INTS4: variants seen among roughly 807,000 people sequenced by gnomAD.
INTS4 encodes integrator complex subunit 4, also known as MSTP093.
A neutral mutation model predicts 119.5 loss-of-function variants in INTS4; 70 were observed. The observed-to-expected ratio is 0.59, with a 90% CI of 0.48 to 0.71. INTS4 has a LOEUF of 0.71. Ranked by LOEUF, INTS4 falls within the 30% of genes least tolerant of loss-of-function variation. INTS4 has a pLI of 0.00. For missense variants in INTS4, 867 were observed against 1,173.2 expected (o/e 0.74, Z 3.81); for synonymous variants, 316 against 419.6 (o/e 0.75, Z 3.02).
At chr11:77,908,392 G>A (rs1169822575) in intron 15 of INTS4, among the ~76,000 whole-genome samples, 1 of 150,500 alleles carries the variant, frequency 6.6e-6, no homozygotes, top group Non-Finnish European at 1.5e-5. Flanking sequence ...ACAGTGGCGT[G>A]ATCTCGACTC....
Position 77,891,397 on chromosome 11 carries a change from G to C in INTS4, c.2514C>G (p.Thr838=). 6.2e-7 allele frequency: 1 copy of C among 1,613,046 alleles called. No homozygotes were observed. The highest frequency in any genetic ancestry group is 8.5e-7 in the Non-Finnish European group (1 of 1,179,506). The part of the protein sequence containing the change: ...AGESDNPLRF[T]SGLVVALDVD... ...CATCCAGGGCAACCACCAACCCAGA[G>C]GTAAACCGCAAAGGGTTGTCTGACT... Residue 838 remains threonine (T), a synonymous_variant, in exon 21 of 23, where the codon ACC becomes ACG. Coordinates refer to ENST00000534064, the MANE Select transcript of INTS4 (RefSeq NM_033547.4).
chr11:77,958,991 T>C (rs892688202), intron 6 of INTS4, among the ~76,000 whole-genome samples, 157 bp from the exon 7 acceptor site: 3 of 152,218 alleles, frequency 2.0e-5, no homozygotes, highest in Non-Finnish European at 4.4e-5. Flanking sequence ...AAATGAATCT[T>C]GACCTCTGTC....
chr11:77,874,605 T>C (rs974235804), downstream of INTS4, among the ~76,000 whole-genome samples: 14 of 152,172 alleles, frequency 9.2e-5, no homozygotes, highest in African/African-American at 3.1e-4. Flanking sequence ...TGGAAATATG[T>C]AGAGCTTGAA....
At chr11:77,984,756 G>A (rs1385934935) in intron 2 of INTS4, among the ~76,000 whole-genome samples, 6 of 151,790 alleles carry the variant, frequency 4.0e-5, no homozygotes, top group Non-Finnish European at 8.8e-5. Flanking sequence ...CATGCCTATA[G>A]TTCCAGCTAC....
intron 10 of INTS4, among the ~76,000 whole-genome samples, chr11:77,933,614 T>G (rs1953714496): frequency 6.6e-6 from 1 of 152,170 alleles, no homozygotes; most frequent in Non-Finnish European, 1.5e-5. Flanking sequence ...CCTCCCAAAG[T>G]GCCGAGATTG....
At position 77,940,516 on chromosome 11, in the gene INTS4, T is replaced by C. The variant is rs376418799; in HGVS notation, c.990+664A>G. Among the ~76,000 whole-genome samples the C allele has an allele frequency of 2.4e-4, 37 of 152,306 alleles. No homozygotes were observed. In the East Asian group the frequency reaches 6.2e-3, roughly 25 times the overall value. On this transcript the variant is annotated intron_variant, in intron 9 of 22. Transcript: ENST00000534064. The stretch of plus-strand genomic sequence containing the variant: ...GCTTTACTCAGTCTTCCATGGTAAC[T>C]GCTGCTGAAAAGGAGTCCTAAAATG...
intron 10 of INTS4, among the ~76,000 whole-genome samples, chr11:77,931,834 C>A (rs2136503880): frequency 6.6e-6 from 1 of 152,278 alleles, no homozygotes; most frequent in South Asian, 2.1e-4. Flanking sequence ...AAACAACCAA[C>A]AGGGAAAGGA....
At chr11:77,940,714 G>A (rs1467786962) in intron 9 of INTS4, among the ~76,000 whole-genome samples, 1 of 152,204 alleles carries the variant, frequency 6.6e-6, no homozygotes, top group East Asian at 1.9e-4. Context: ...TCGGCTCACT[G>A]CAACCTCTGG....
At chr11:77,895,068 T>C (rs1167469046) in intron 18 of INTS4, among the ~76,000 whole-genome samples, 6 of 152,236 alleles carry the variant, frequency 3.9e-5, no homozygotes, top group Non-Finnish European at 7.3e-5. Context: ...ATGGTGTTCC[T>C]TCCTCTCTAT....
chr11:77,988,493 T>C (rs1856544536), intron 2 of INTS4, among the ~76,000 whole-genome samples: 1 of 152,164 alleles, frequency 6.6e-6, no homozygotes, highest in Admixed American at 6.5e-5. Flanking sequence ...ACAAGGAACA[T>C]AATTAACAAG....
At chr11:77,930,352 C>T (rs950692954) in intron 10 of INTS4, among the ~76,000 whole-genome samples, 27 of 152,194 alleles carry the variant, frequency 1.8e-4, no homozygotes, top group African/African-American at 6.3e-4. Flanking sequence ...TTATGAATTC[C>T]TCCTTTTTAT....
Position 77,879,133 on chromosome 11 carries a change from A to G in INTS4, c.2714-6T>C. The G allele has an allele frequency of 1.9e-6, 3 of 1,613,932 alleles. No individual in the cohort carries two copies. The highest frequency in any genetic ancestry group is 1.7e-6 in the Non-Finnish European group (2 of 1,179,908). On this transcript the variant is annotated splice_polypyrimidine_tract_variant and splice_region_variant and intron_variant, in intron 22 of 22. Coordinates refer to ENST00000534064, the MANE Select transcript of INTS4 (RefSeq NM_033547.4). Reference sequence around the variant, plus strand: ...CACTTCCACCTGGCATGCCTCTGAAAAAAAGATAAAAGAAATCCTCTATAA... The same window carrying G: ...CACTTCCACCTGGCATGCCTCTGAAGAAAAGATAAAAGAAATCCTCTATAA...
intron 4 of INTS4, among the ~76,000 whole-genome samples, chr11:77,970,554 C>A (rs1413752228): frequency 6.6e-6 from 1 of 150,700 alleles, no homozygotes; most frequent in Admixed American, 6.6e-5. Flanking sequence ...GAACACCAGG[C>A]ACAGTGGCTC....
At chr11:77,894,839 A>G (rs917533988) in intron 18 of INTS4, among the ~76,000 whole-genome samples, 1 of 152,192 alleles carries the variant, frequency 6.6e-6, no homozygotes, top group Non-Finnish European at 1.5e-5. Flanking sequence ...CACTGCACTC[A>G]ATGAAGCCTA....
At chr11:77,911,090 G>A (rs545362592) in intron 15 of INTS4, 29 of 1,285,798 alleles carry the variant, frequency 2.3e-5, no homozygotes, top group Middle Eastern at 2.1e-4. Context: ...TCTCATGCTC[G>A]GCAGGTAACG....
chr11:77,910,500 A>C (rs1163033880), intron 15 of INTS4, among the ~76,000 whole-genome samples: 1 of 151,430 alleles, frequency 6.6e-6, no homozygotes. Context: ...CTAAATGGTG[A>C]GTTAATGGGT....
intron 8 of INTS4, among the ~76,000 whole-genome samples, chr11:77,952,005 C>G (rs908508747): frequency 1.3e-5 from 2 of 152,160 alleles, no homozygotes; most frequent in African/African-American, 2.4e-5. Flanking sequence ...ATTAAAAAGT[C>G]AGGAAACAAC....
chr11:77,945,286 T>C (rs1954021436), intron 8 of INTS4, among the ~76,000 whole-genome samples: 1 of 152,174 alleles, frequency 6.6e-6, no homozygotes, highest in African/African-American at 2.4e-5. Context: ...TGGCCACAAA[T>C]CCAGTCTGGA....
intron 2 of INTS4, among the ~76,000 whole-genome samples, chr11:77,989,939 G>C (rs190934715): frequency 1.6e-4 from 24 of 152,152 alleles, no homozygotes; most frequent in Non-Finnish European, 3.4e-4. Context: ...TTTTGGGCTG[G>C]GAATGGTAGC....
Sources: gnomAD v4.1 joint callset for allele counts (sites outside exome capture counted in the v4.1 genomes callset) on GRCh38, gnomAD v4.1.1 for gene constraint, MANE v1.5 for transcripts, NCBI Gene and HGNC (gene_info 2026-07-23, HGNC 2026-07-21) for gene names.